SEMA4D: variants seen among roughly 807,000 people sequenced by gnomAD.
The protein encoded by SEMA4D is semaphorin 4D, also known as semaphorin-4D.
In SEMA4D, 22 loss-of-function variants were observed where a neutral mutation model predicts 74.8. The ratio of observed to expected loss-of-function variants is 0.29; its 90% CI spans 0.21 to 0.42. The LOEUF is 0.42. Ranked by LOEUF, SEMA4D falls within the 10% of genes least tolerant of loss-of-function variation. The pLI, the probability that SEMA4D is intolerant of heterozygous loss-of-function variation, is 1.00. For synonymous variants in SEMA4D, 445 were observed against 463.7 expected (o/e 0.96, Z 0.52); for missense variants, 937 against 1,118.4 (o/e 0.84, Z 2.31).
intron 2 of SEMA4D, among the ~76,000 whole-genome samples, chr9:89,431,763 CCT>C (rs1375188709): frequency 6.6e-6 from 1 of 152,100 alleles, no homozygotes; most frequent in African/African-American, 2.4e-5. Context: ...CTCCCAAAGC[CCT>C]GTGATTACAG....
chr9:89,363,413 C>A, intron 18 of SEMA4D: 3 of 1,609,592 alleles, frequency 1.9e-6, no homozygotes, highest in Non-Finnish European at 2.5e-6. Context: ...TTTCTTTGCC[C>A]GGCTGCGGCC....
rs150351780 is a variant in SEMA4D, at chr9:89,388,977, G to C, written c.845C>G (p.Ser282Cys). ...GAAGACCAAGCCGCTGTCTGGCCGG[G>C]AGCAGATGAGTCGGGCTTTCAGGAA... ...TSFLKARLIC[S>C]RPDSGLVFNV... Residue 282 changes from serine to cysteine, a missense_variant, in exon 10 of 16, where the codon TCC (serine) becomes TGC (cysteine). Transcript: ENST00000422704. The C allele has an allele frequency of 1.2e-6, 2 of 1,613,972 alleles. No homozygotes were observed. Among genetic ancestry groups the C allele is most frequent in the East Asian group, 2.2e-5 (1 of 44,874 alleles).
chr9:89,482,853 C>T (rs925738480), intron 1 of SEMA4D, among the ~76,000 whole-genome samples: 4 of 152,170 alleles, frequency 2.6e-5, no homozygotes, highest in Admixed American at 6.5e-5. Context: ...TCATTTCCAC[C>T]GCGAGACATC....
At chr9:89,468,678 G>C (rs1256440628) in intron 1 of SEMA4D, among the ~76,000 whole-genome samples, 1 of 152,160 alleles carries the variant, frequency 6.6e-6, no homozygotes, top group Admixed American at 6.5e-5. Context: ...CTGGAAAAGT[G>C]GTGAAAATCT....
intron 16 of SEMA4D, chr9:89,364,169 C>A: frequency 1.1e-6 from 1 of 902,060 alleles, no homozygotes; most frequent in Non-Finnish European, 1.6e-6. Context: ...GCTCTTTGAC[C>A]TTAATTGCCA....
intron 13 of SEMA4D, among the ~76,000 whole-genome samples, chr9:89,383,707 G>A (rs551691376): frequency 2.6e-5 from 4 of 152,068 alleles, no homozygotes; most frequent in African/African-American, 4.8e-5. Flanking sequence ...AGGTGGGGGC[G>A]CTCAAGATCC....
At chr9:89,389,143 CG>C in intron 9 of SEMA4D, 96 bp from the exon 10 acceptor site, 3 of 1,322,214 alleles carry the variant, frequency 2.3e-6, no homozygotes, top group Non-Finnish European at 3.2e-6. Context: ...CCCAGCACAG[CG>C]CGGCTGTGCC....
In SEMA4D at chr9:89,371,308, TGTG is replaced by T. The variant is rs545697481; in HGVS notation, c.1882+5522_1882+5524del. The stretch of plus-strand genomic sequence containing the variant: ...TGTGTGACGGTGTGTGTGTCTGGGG[TGTG>T]GTGTGTGTGGGGTTGGTGTGTGTCT... On this transcript the variant is annotated intron_variant, in intron 16 of 18. Transcript: ENST00000339861. 1.1e-4 allele frequency among the ~76,000 whole-genome samples: 12 copies of T among 110,626 alleles called. No homozygotes were observed. The South Asian group carries it at 2.7e-3, about 25-fold the overall frequency. The allele number at this position is 110,626 out of a possible 152,430, so 72.6% of individuals were successfully genotyped here.
intron 1 of SEMA4D, among the ~76,000 whole-genome samples, chr9:89,471,453 A>C (rs1013725742): frequency 6.6e-5 from 10 of 152,256 alleles, no homozygotes. Context: ...ACAATAAAAG[A>C]AGTTCAAAAA....
intron 2 of SEMA4D, among the ~76,000 whole-genome samples, chr9:89,407,483 A>T (rs1164501440): frequency 1.3e-5 from 2 of 152,186 alleles, no homozygotes; most frequent in East Asian, 3.8e-4. Flanking sequence ...AAATTATTAA[A>T]ATCTTTAAAT....
intron 2 of SEMA4D, among the ~76,000 whole-genome samples, chr9:89,437,060 G>A (rs1437649108): frequency 6.6e-6 from 1 of 152,252 alleles, no homozygotes; most frequent in East Asian, 1.9e-4. Flanking sequence ...CTTGGGAGGT[G>A]AGCATGCACA....
intron 2 of SEMA4D, among the ~76,000 whole-genome samples, chr9:89,437,432 G>A: frequency 6.6e-6 from 1 of 152,202 alleles, no homozygotes; most frequent in East Asian, 1.9e-4. Flanking sequence ...CAGGTGTGAA[G>A]CTCGCCCTGA....
chr9:89,370,097 GGTGT>G (rs1027082537), intron 16 of SEMA4D, among the ~76,000 whole-genome samples: 3 of 151,148 alleles, frequency 2.0e-5, no homozygotes, highest in African/African-American at 7.3e-5. Flanking sequence ...GGTGGTTTTA[GGTGT>G]GTGTACAGTG....
intron 2 of SEMA4D, among the ~76,000 whole-genome samples, chr9:89,430,073 G>A (rs1848931429): frequency 6.6e-6 from 1 of 151,892 alleles, no homozygotes; most frequent in Admixed American, 6.6e-5. Context: ...TGGCTGAGGA[G>A]GACGGGCCTC....
At chr9:89,451,815 A>G (rs1391696910) in intron 2 of SEMA4D, among the ~76,000 whole-genome samples, 1 of 152,226 alleles carries the variant, frequency 6.6e-6, no homozygotes, top group Non-Finnish European at 1.5e-5. Context: ...ATCTAACCCA[A>G]TACACATCCA....
chr9:89,474,153 C>A (rs150002064), intron 1 of SEMA4D, among the ~76,000 whole-genome samples: 1 of 152,214 alleles, frequency 6.6e-6, no homozygotes, highest in African/African-American at 2.4e-5. Flanking sequence ...CCCACCTCCC[C>A]CTTTGGTTGC....
intron 13 of SEMA4D, among the ~76,000 whole-genome samples, chr9:89,382,234 G>A (rs1377343267): frequency 2.0e-5 from 3 of 152,250 alleles, no homozygotes; most frequent in East Asian, 3.8e-4. Context: ...GCTCGGGGGC[G>A]TGCAACAGAC....
chr9:89,429,093 C>T (rs949258846), intron 2 of SEMA4D, among the ~76,000 whole-genome samples: 1 of 152,240 alleles, frequency 6.6e-6, no homozygotes, highest in African/African-American at 2.4e-5. Context: ...AAGCACAGCC[C>T]CCAGCTCCTT....
chr9:89,388,649 G>A lies in SEMA4D; in HGVS notation c.1094C>T (p.Pro365Leu), dbSNP rs751235986. 46 of 1,599,850 alleles carry A rather than the reference G, an allele frequency of 2.9e-5. No homozygotes were observed. The highest frequency in any genetic ancestry group is 4.0e-5 in the African/African-American group (3 of 74,468). The change falls in exon 11 of 16, where the codon CCG (proline) becomes CTG (leucine). Residue 365 changes from proline to leucine, a missense_variant. Pro to Leu is a moderately conservative substitution (Grantham distance 98). Coordinates refer to ENST00000422704, the MANE Select transcript of SEMA4D (RefSeq NM_001371194.2). The part of the protein sequence containing the change: ...WVRYNGPVPK[P>L]RPGACIDSEA... ...GCCCCAGCTCACCGCTCCAGGCCGC[G>A]GCTTGGGTACCGGGCCATTATAGCG...
Sources: allele counts gnomAD v4.1 joint callset (sites outside exome capture counted in the v4.1 genomes callset), GRCh38; gene constraint gnomAD v4.1.1; transcripts MANE v1.5; gene names NCBI Gene and HGNC (gene_info 2026-07-23, HGNC 2026-07-21).